MEGF10: variants seen among roughly 807,000 people sequenced by gnomAD.
The protein encoded by MEGF10 is multiple EGF like domains 10, also known as multiple epidermal growth factor-like domains protein 10.
A neutral mutation model predicts 147.5 loss-of-function variants in MEGF10; 86 were observed. The observed-to-expected ratio is 0.58, with a 90% confidence interval of 0.49 to 0.70. The LOEUF is 0.70. MEGF10 is among the 30% of genes least tolerant of loss of function. MEGF10 has a pLI of 0.00. For synonymous variants in MEGF10, 478 were observed against 525.5 expected, an observed-to-expected ratio of 0.91 and a Z score of 1.24; for missense variants, 1,329 against 1,487.3, an observed-to-expected ratio of 0.89 and a Z score of 1.75.
the MEGF10 span, among the ~76,000 whole-genome samples, chr5:127,277,982 GA>G: frequency 6.6e-6 from 1 of 152,156 alleles, no homozygotes; most frequent in Non-Finnish European, 1.5e-5. Flanking sequence ...TGATGTCCAG[GA>G]GGCAGCTGGG....
chr5:127,377,919 C>T (rs1040326575), intron 5 of MEGF10, among the ~76,000 whole-genome samples: 1 of 152,132 alleles, frequency 6.6e-6, no homozygotes, highest in Non-Finnish European at 1.5e-5. Flanking sequence ...GTGTTAGGGT[C>T]AGGCTGATGA....
At chr5:127,355,730 C>T (rs1326132985) in intron 4 of MEGF10, among the ~76,000 whole-genome samples, 1 of 152,138 alleles carries the variant, frequency 6.6e-6, no homozygotes, top group African/African-American at 2.4e-5. Flanking sequence ...TACTGATTGA[C>T]AATGCTTGCT....
chr5:127,401,052 G>A (rs1036069538), intron 7 of MEGF10, among the ~76,000 whole-genome samples: 13 of 152,126 alleles, frequency 8.5e-5, no homozygotes, highest in East Asian at 5.8e-4. Flanking sequence ...CTTTATGCAC[G>A]AAAATATTTC....
intron 1 of MEGF10, among the ~76,000 whole-genome samples, chr5:127,309,635 G>A (rs1760173060): frequency 6.6e-6 from 1 of 152,090 alleles, no homozygotes; most frequent in South Asian, 2.1e-4. Flanking sequence ...TGCTTTTTGA[G>A]GCTAAATAAT....
intron 16 of MEGF10, among the ~76,000 whole-genome samples, chr5:127,435,929 G>A (rs1249860872): frequency 6.6e-6 from 1 of 152,114 alleles, no homozygotes; most frequent in African/African-American, 2.4e-5. Flanking sequence ...GCTTCACCTT[G>A]GCATCACCCA....
At chr5:127,312,226 C>T (rs534500307) in intron 1 of MEGF10, among the ~76,000 whole-genome samples, 2 of 152,200 alleles carry the variant, frequency 1.3e-5, no homozygotes, top group African/African-American at 2.4e-5. Context: ...TCTATCTTAA[C>T]TGGCACCAGG....
chr5:127,399,261 C>A (rs746005328), intron 7 of MEGF10, among the ~76,000 whole-genome samples: 16 of 152,036 alleles, frequency 1.1e-4, no homozygotes, highest in Non-Finnish European at 2.2e-4. Context: ...CCACATTTAC[C>A]AAGTATTGCA....
chr5:127,413,968 T>C (rs958447663), intron 9 of MEGF10, among the ~76,000 whole-genome samples: 1 of 152,240 alleles, frequency 6.6e-6, no homozygotes, highest in Admixed American at 6.5e-5. Context: ...TGTTTTCTAC[T>C]TTTCAATGTA....
At chr5:127,457,042 G>T in intron 24 of MEGF10, 86 bp from the exon 25 acceptor site, 2 of 1,305,230 alleles carry the variant, frequency 1.5e-6, no homozygotes, top group East Asian at 4.8e-5. Context: ...AGTCCCTTTG[G>T]TGTGTTTGAC....
chr5:127,249,264 AG>A, the MEGF10 span, among the ~76,000 whole-genome samples: 3 of 152,138 alleles, frequency 2.0e-5, no homozygotes, highest in East Asian at 5.8e-4. Context: ...GAAGTGTTAC[AG>A]TATTAATTAG....
chr5:127,339,123 C>G lies in MEGF10; in HGVS notation c.120C>G (p.Tyr40Ter). ...TTATTTTTCCATTTCTTTTCAGCTA[C>G]TCAGTGACTGTGCAAGAGTCATACC... is the stretch of plus-strand genomic sequence containing the variant. ...DPNVCSHWES[Y>*]SVTVQESYPH... The change falls in exon 3 of 25, where the codon TAC (tyrosine) becomes TAG (stop). Residue 40 changes from tyrosine (Y) to a stop codon, truncating the protein, a stop_gained. Transcript: ENST00000503335. LOFTEE classifies it high-confidence loss of function. The G allele has an allele frequency of 6.3e-7, 1 of 1,591,470 alleles. No individual in the cohort carries two copies. Among genetic ancestry groups the G allele is most frequent in the South Asian group, 1.1e-5 (1 of 88,740 alleles).
At chr5:127,262,618 A>T in the MEGF10 span, among the ~76,000 whole-genome samples, 1 of 152,168 alleles carries the variant, frequency 6.6e-6, no homozygotes. Context: ...ATCAAGGATC[A>T]ATTTATCACC....
rs78940206 is a variant in MEGF10, at chr5:127,457,675, T to G, written c.*357T>G. ...CTTGAAAAATTAAAATTTGAATATT[T>G]TCTCTCTCATTTGCATCATACAGCT... On this transcript the variant is annotated 3_prime_UTR_variant, in exon 25 of 25. Transcript: ENST00000503335. The G allele has an allele frequency of 0.013, 3,089 of 238,476 alleles. 23 individuals carry two copies. Among genetic ancestry groups the G allele is most frequent in the Non-Finnish European group, 0.019 (2,315 of 121,320 alleles). 14.8% of individuals were successfully genotyped at this position (238,476 alleles called of 1,614,324 possible).
At chr5:127,316,526 AT>A (rs1470814301) in intron 1 of MEGF10, among the ~76,000 whole-genome samples, 133 of 152,298 alleles carry the variant, frequency 8.7e-4, no homozygotes, top group Non-Finnish European at 1.6e-4. Flanking sequence ...AATCACTGGT[AT>A]TGCAATCATT....
At chr5:127,385,592 G>T (rs1763398403) in intron 5 of MEGF10, among the ~76,000 whole-genome samples, 2 of 152,120 alleles carry the variant, frequency 1.3e-5, no homozygotes, top group African/African-American at 4.8e-5. Context: ...AATATTGAAG[G>T]CATATGTAGT....
intron 1 of MEGF10, among the ~76,000 whole-genome samples, chr5:127,305,092 A>C (rs1409982333): frequency 6.6e-6 from 1 of 152,220 alleles, no homozygotes; most frequent in Non-Finnish European, 1.5e-5. Context: ...CACAGTCCTA[A>C]TACTCATTTA....
At chr5:127,264,855 G>C in the MEGF10 span, among the ~76,000 whole-genome samples, 1 of 151,832 alleles carries the variant, frequency 6.6e-6, no homozygotes, top group African/African-American at 2.4e-5. Flanking sequence ...GGACGTGCAG[G>C]TTTGTTACAT....
At position 127,391,102 on chromosome 5, in the gene MEGF10, G is replaced by GCACGCA. The variant is rs1554097038; in HGVS notation, c.413-5427_413-5426insGCACAC. Among the ~76,000 whole-genome samples the GCACGCA allele has an allele frequency of 2.0e-4, 11 of 53,934 alleles. No individual in the cohort carries two copies. In the East Asian group the frequency reaches 2.2e-3, roughly 11 times the overall value. The allele number at this position is 53,934 out of a possible 152,430, so 35.4% of individuals were successfully genotyped here. The stretch of plus-strand genomic sequence containing the variant: ...CATACACACATGCGCGCGCGCGCGC[G>GCACGCA]CACACACACACACACACACACACAC... On this transcript the variant is annotated intron_variant, in intron 5 of 24. Coordinates refer to ENST00000503335, the MANE Select transcript of MEGF10 (RefSeq NM_001256545.2).
At chr5:127,438,204 C>G (rs1233034281) in intron 16 of MEGF10, among the ~76,000 whole-genome samples, 1 of 152,112 alleles carries the variant, frequency 6.6e-6, no homozygotes, top group African/African-American at 2.4e-5. Flanking sequence ...ATTTTTGCCC[C>G]AGCCACCTCA....
Sources: gnomAD v4.1 joint callset for allele counts (sites outside exome capture counted in the v4.1 genomes callset) on GRCh38, gnomAD v4.1.1 for gene constraint, MANE v1.5 for transcripts, NCBI Gene and HGNC (gene_info 2026-07-23, HGNC 2026-07-21) for gene names.